The following CLASP2 variants were observed in gnomAD, a reference collection of about 807,000 sequenced individuals.
CLASP2 encodes CLIP-associating protein 2.
Under a neutral mutation model 194.4 loss-of-function variants are expected in CLASP2, and 47 were observed. The ratio of observed to expected loss-of-function variants is 0.24; its 90% CI spans 0.19 to 0.31. CLASP2 has a LOEUF of 0.31. Among genes scored for constraint, CLASP2 ranks in the 10% least tolerant of loss-of-function variants. The probability of loss-of-function intolerance (pLI) is 1.00; values close to 1 mark genes in which losing one functional copy is unlikely to be tolerated. For synonymous variants in CLASP2, 619 were observed against 633.5 expected (o/e 0.98, Z 0.34); for missense variants, 1,445 against 1,823.6 (o/e 0.79, Z 3.78).
At chr3:33,669,599 T>A (rs1559586484) in intron 6 of CLASP2, among the ~76,000 whole-genome samples, 2 of 150,592 alleles carry the variant, frequency 1.3e-5, no homozygotes. Context: ...AAAAAAAAAA[T>A]TGGCAAGAGG....
chr3:33,688,156 G>A, intron 4 of CLASP2, 121 bp downstream of exon 4: 3 of 650,824 alleles, frequency 4.6e-6, no homozygotes, highest in Admixed American at 3.5e-5. Context: ...ATCAAATGAA[G>A]TTATATGCTT....
chr3:33,512,467 T>G, intron 36 of CLASP2, among the ~76,000 whole-genome samples: 1 of 31,068 alleles, frequency 3.2e-5, no homozygotes. Context: ...AGATGACACA[T>G]TAGTGGGTGC....
In CLASP2 at chr3:33,573,324, A is replaced by G; in HGVS notation, c.2485T>C (p.Tyr829His). 1.2e-6 allele frequency: 2 copies of G among 1,613,734 alleles called. No individual in the cohort carries two copies. Among genetic ancestry groups the G allele is most frequent in the Admixed American group, 1.7e-5 (1 of 60,020 alleles). The change falls in exon 25 of 39, where the codon TAT (tyrosine) becomes CAT (histidine). Residue 829 changes from tyrosine (Y) to histidine (H), a missense_variant. Tyr to His is a moderately conservative substitution (Grantham distance 83, BLOSUM62 2). This residue lies in a region of CLASP2 where 732 missense variants were observed against 987.9 expected (regional missense o/e 0.74). Coordinates refer to ENST00000682230, the MANE Select transcript of CLASP2 (RefSeq NM_001365631.1). ...GCGTCATCATCTGAATGCATTCCAT[A>G]TGATTCATATCTTCTTCGAGCTGGT... ...KKPARRRYES[Y>H]GMHSDDDANS...
intron 21 of CLASP2, chr3:33,588,848 T>G (rs1409312782): frequency 1.6e-6 from 1 of 630,628 alleles, no homozygotes; most frequent in Non-Finnish European, 2.8e-6. Context: ...TCTCAGAAAA[T>G]TAAAAAACCC....
Position 33,688,311 on chromosome 3 carries a change from C to T in CLASP2, c.436G>A (p.Gly146Ser), listed in dbSNP as rs763737249. ...GTTTCAATAAGACACAGACACACGCCTTCTCGAGATCGAAAATTCTTGTGT... is the reference window on the plus strand; with the variant it reads ...GTTTCAATAAGACACAGACACACGCTTTCTCGAGATCGAAAATTCTTGTGT... ...FKHKNFRSRE[G>S]VCLCLIETLN... is the part of the protein sequence containing the mutation. Residue 146 changes from glycine to serine, a missense_variant, in exon 4 of 39, where the codon GGC (glycine) becomes AGC (serine). Physicochemically the swap from Gly to Ser is moderately conservative, Grantham distance 56. This residue lies in a region of CLASP2 where 332 missense variants were observed against 325.3 expected (regional missense o/e 1.02). Coordinates refer to ENST00000682230, the MANE Select transcript of CLASP2 (RefSeq NM_001365631.1). 1.3e-6 allele frequency: 2 copies of T among 1,592,022 alleles called. No individual in the cohort carries two copies. The highest frequency in any genetic ancestry group is 2.3e-5 in the South Asian group (2 of 87,172).
At chr3:33,543,758 T>C (rs1198766731) in intron 31 of CLASP2, among the ~76,000 whole-genome samples, 3 of 152,184 alleles carry the variant, frequency 2.0e-5, no homozygotes. Flanking sequence ...CTCACCTGCT[T>C]CCTGCTCTCA....
intron 19 of CLASP2, 98 bp from the exon 20 acceptor site, chr3:33,595,066 A>G: frequency 1.6e-6 from 1 of 625,126 alleles, no homozygotes; most frequent in East Asian, 3.4e-5. Context: ...ATGAAAGGGT[A>G]AAAACAAAAA....
At chr3:33,502,883 AAATT>A (rs1254932429) in intron 37 of CLASP2, 9 of 152,350 alleles carry the variant, frequency 5.9e-5, no homozygotes, top group East Asian at 1.9e-4. Context: ...ATTATAATGT[AAATT>A]AATTTTTCTA....
At chr3:33,658,687 C>T (rs2084736755) in intron 7 of CLASP2, among the ~76,000 whole-genome samples, 1 of 152,198 alleles carries the variant, frequency 6.6e-6, no homozygotes, top group Non-Finnish European at 1.5e-5. Flanking sequence ...TTCCACGTTT[C>T]TTCCAATATC....
At chr3:33,651,403 A>C (rs2083186096) in intron 7 of CLASP2, among the ~76,000 whole-genome samples, 1 of 147,472 alleles carries the variant, frequency 6.8e-6, no homozygotes, top group Non-Finnish European at 1.5e-5. Flanking sequence ...AAAAAAAAAA[A>C]ACCCAGAAAA....
chr3:33,704,460 T>C (rs187354853), intron 1 of CLASP2, among the ~76,000 whole-genome samples: 2 of 152,122 alleles, frequency 1.3e-5, no homozygotes, highest in African/African-American at 2.4e-5. Flanking sequence ...AAATAAGATA[T>C]ACAAATGGCA....
intron 30 of CLASP2, among the ~76,000 whole-genome samples, chr3:33,549,005 T>C (rs1473889473): frequency 1.3e-5 from 2 of 151,736 alleles, no homozygotes; most frequent in East Asian, 3.9e-4. Flanking sequence ...ACTCCCAGCC[T>C]CAAGTGATCC....
intron 1 of CLASP2, among the ~76,000 whole-genome samples, chr3:33,713,195 G>GTCCTTTA (rs2093120412): frequency 6.6e-6 from 1 of 151,954 alleles, no homozygotes; most frequent in East Asian, 1.9e-4. Context: ...ATGTGTGATT[G>GTCCTTTA]TCCTTTATAG....
chr3:33,578,062 T>C (rs565824948), intron 23 of CLASP2, among the ~76,000 whole-genome samples: 136 of 152,204 alleles, frequency 8.9e-4, no homozygotes, highest in Non-Finnish European at 1.5e-3. Flanking sequence ...AATTTGATTA[T>C]AGCCACACTA....
intron 29 of CLASP2, among the ~76,000 whole-genome samples, chr3:33,551,610 T>G (rs2060017765): frequency 6.6e-6 from 1 of 152,160 alleles, no homozygotes; most frequent in African/African-American, 2.4e-5. Context: ...TGAGCCATCA[T>G]GCCCAGCCAG....
Position 33,608,614 on chromosome 3 carries a change from T to A in CLASP2, c.1401A>T (p.Glu467Asp). Residue 467 changes from glutamate (E) to aspartate (D), a missense_variant, in exon 14 of 39, where the codon GAA becomes GAT. Physicochemically the swap from Glu to Asp is conservative, Grantham distance 45. This residue lies in a region of CLASP2 where 207 missense variants were observed against 331.4 expected (regional missense o/e 0.62). Transcript: ENST00000682230. The part of the protein sequence containing the change: ...KSVPVRRRSF[E>D]FLDLLLQEWQ... Reference sequence around the variant, plus strand: ...ACTCTTGCAACAATAAATCTAAAAATTCAAATGAACGTCTGAAAAATAAAA... The same window carrying A: ...ACTCTTGCAACAATAAATCTAAAAAATCAAATGAACGTCTGAAAAATAAAA... The A allele has an allele frequency of 6.2e-7, 1 of 1,609,514 alleles. No individual in the cohort carries two copies. The highest frequency in any genetic ancestry group is 8.5e-7 in the Non-Finnish European group (1 of 1,177,474).
At chr3:33,712,648 T>C (rs1398410242) in intron 1 of CLASP2, among the ~76,000 whole-genome samples, 1 of 152,104 alleles carries the variant, frequency 6.6e-6, no homozygotes, top group South Asian at 2.1e-4. Context: ...AATATCATAA[T>C]CACCAACAGT....
chr3:33,551,846 T>C (rs12496547), intron 29 of CLASP2, among the ~76,000 whole-genome samples: 10,994 of 152,278 alleles, frequency 0.072, 492 homozygotes, highest in Admixed American at 0.1. Flanking sequence ...CTAGTCTTTA[T>C]TAACTCTGTA....
At chr3:33,592,662 T>C in intron 20 of CLASP2, 166 bp from the exon 21 acceptor site, 2 of 673,816 alleles carry the variant, frequency 3.0e-6, no homozygotes, top group Non-Finnish European at 5.2e-6. Flanking sequence ...GTAATTTTTT[T>C]TTTACGTGTT....
Sources: allele counts gnomAD v4.1 joint callset (sites outside exome capture counted in the v4.1 genomes callset), GRCh38; gene constraint gnomAD v4.1.1; regional missense constraint gnomAD v4.1.1; transcripts MANE v1.5; gene names NCBI Gene and HGNC (gene_info 2026-07-23, HGNC 2026-07-21).